TNFSF13B: variants seen among roughly 807,000 people sequenced by gnomAD.
TNFSF13B encodes the protein TNF superfamily member 13b.
TNFSF13B carries 8 observed loss-of-function variants against 29.1 expected under a neutral mutation model. The observed-to-expected ratio is 0.27, with a 90% confidence interval of 0.16 to 0.50. TNFSF13B has a LOEUF of 0.50. Ranked by LOEUF, TNFSF13B falls within the 20% of genes least tolerant of loss-of-function variation. The probability of loss-of-function intolerance (pLI) is 0.98; values close to 1 mark genes in which losing one functional copy is unlikely to be tolerated. For synonymous variants in TNFSF13B, 125 were observed against 130.8 expected (o/e 0.96, Z 0.30); for missense variants, 248 against 334.9 (o/e 0.74, Z 2.03).
chr13:108,303,136 T>C (rs1881675746), intron 3 of TNFSF13B, 117 bp from the exon 4 acceptor site: 1 of 756,232 alleles, frequency 1.3e-6, no homozygotes, highest in African/African-American at 1.8e-5. Flanking sequence ...TTTCTTTCTT[T>C]CTTTTTTTTT....
chr13:108,304,493 G>T (rs1881716145), intron 5 of TNFSF13B, among the ~76,000 whole-genome samples: 1 of 152,148 alleles, frequency 6.6e-6, no homozygotes, highest in Non-Finnish European at 1.5e-5. Flanking sequence ...CTTTAGGTCT[G>T]TTTCAGCTGT....
At chr13:108,274,611 A>C (rs1030306263) in intron 2 of TNFSF13B, among the ~76,000 whole-genome samples, 12 of 151,908 alleles carry the variant, frequency 7.9e-5, no homozygotes, top group African/African-American at 2.9e-4. Flanking sequence ...GCATACTCCA[A>C]AATTAATGTT....
At position 108,284,454 on chromosome 13, in the gene TNFSF13B, G is replaced by T. The variant is rs569011042; in HGVS notation, c.425-2349G>T. Among the ~76,000 whole-genome samples the T allele has an allele frequency of 5.9e-5, 9 of 152,322 alleles. No homozygotes were observed. In the South Asian group the frequency reaches 1.9e-3, roughly 32 times the overall value. ...ATTTCTTTAGCCTTTATCAGCTGCA[G>T]TTGGGCAGCATGTTTCCACGGTGTC... On this transcript the variant is annotated intron_variant, in intron 2 of 5. Transcript: ENST00000375887.
At position 108,271,461 on chromosome 13, in the gene TNFSF13B, C is replaced by T. The variant is rs925155095; in HGVS notation, c.424+1037C>T. Among the ~76,000 whole-genome samples, 86 of 150,040 alleles carry T rather than the reference C, an allele frequency of 5.7e-4. 1 individual carries two copies. The highest frequency in any genetic ancestry group is 1.6e-3 in the African/African-American group (65 of 40,466). On this transcript the variant is annotated intron_variant, in intron 2 of 5. Transcript: ENST00000375887. ...CCCTTCTATCACACACACACACACA[C>T]ACACACACACACACACACACACACA...
At chr13:108,276,175 C>T (rs890779986) in intron 2 of TNFSF13B, among the ~76,000 whole-genome samples, 3 of 152,136 alleles carry the variant, frequency 2.0e-5, no homozygotes, top group Admixed American at 6.5e-5. Flanking sequence ...AGAACTTGAC[C>T]ATCCAGCCCT....
chr13:108,307,118 AACAG>A lies in TNFSF13B; in HGVS notation c.*185_*188del. 1.9e-6 allele frequency: 1 copy of A among 518,094 alleles called. No homozygotes were observed. The allele number at this position is 518,094 out of a possible 1,614,324, so 32.1% of individuals were successfully genotyped here. A position where few individuals can be genotyped will look rare whatever the true frequency, so the allele number is the denominator to read the frequency against. On this transcript the variant is annotated 3_prime_UTR_variant, in exon 6 of 6. Transcript: ENST00000375887. ...GAAACTAGTCCAAAACAGGAAATTT[AACAG>A]ACAGCCACAGCCAAAGAGTGTCATG... is the stretch of plus-strand genomic sequence containing the variant.
chr13:108,302,320 A>C (rs1385670412), intron 3 of TNFSF13B, among the ~76,000 whole-genome samples: 1 of 152,156 alleles, frequency 6.6e-6, no homozygotes, highest in African/African-American at 2.4e-5. Flanking sequence ...TTATCCTTAT[A>C]TTACAGTCCC....
Position 108,307,016 on chromosome 13 carries a change from CAAAAAAAAAAAAAAAAAA to C in TNFSF13B, c.*92_*109del. 2 of 73,764 alleles carry C rather than the reference CAAAAAAAAAAAAAAAAAA, an allele frequency of 2.7e-5. No homozygotes were observed. The highest frequency in any genetic ancestry group is 1.7e-4 in the South Asian group (1 of 5,948). 4.6% of individuals were successfully genotyped at this position (73,764 alleles called of 1,614,324 possible). On this transcript the variant is annotated 3_prime_UTR_variant, in exon 6 of 6. Transcript: ENST00000375887. ...GAAGAAAGAATCTAACTGAAAATAC[CAAAAAAAAAAAAAAAAAA>C]AAAAAAAAAAAAAGTAGTTACCATT...
intron 2 of TNFSF13B, 56 bp downstream of exon 2, chr13:108,270,480 T>C: frequency 6.6e-7 from 1 of 1,523,912 alleles, no homozygotes; most frequent in Non-Finnish European, 9.1e-7. Flanking sequence ...TAACATCCAG[T>C]CTGGGGGAGC....
At chr13:108,274,380 TAC>T (rs1283618325) in intron 2 of TNFSF13B, among the ~76,000 whole-genome samples, 2 of 134,114 alleles carry the variant, frequency 1.5e-5, no homozygotes, top group Non-Finnish European at 3.3e-5. Flanking sequence ...TATATATATA[TAC>T]ATATATATAC....
intron 2 of TNFSF13B, among the ~76,000 whole-genome samples, chr13:108,275,971 A>G (rs542013732): frequency 6.6e-5 from 10 of 152,238 alleles, no homozygotes; most frequent in Non-Finnish European, 1.2e-4. Context: ...TATCGGATAA[A>G]CCTTTCTAAT....
chr13:108,286,960 G>T lies in TNFSF13B; in HGVS notation c.481+101G>T, dbSNP rs1424066041. The T allele has an allele frequency of 1.0e-5, 7 of 697,476 alleles. No individual in the cohort carries two copies. The East Asian group carries it at 2.8e-4, about 28-fold the overall frequency. 43.2% of individuals were successfully genotyped at this position (697,476 alleles called of 1,614,324 possible). ...CATATACGCTATGGAATACTATGCAGCCATAAAAAATGATGAGTTCATGTC... is the reference window on the plus strand; with the variant it reads ...CATATACGCTATGGAATACTATGCATCCATAAAAAATGATGAGTTCATGTC... On this transcript the variant is annotated intron_variant, in intron 3 of 5. Coordinates refer to ENST00000375887, the MANE Select transcript of TNFSF13B (RefSeq NM_006573.5).
chr13:108,289,450 G>T (rs1881241008), intron 3 of TNFSF13B, among the ~76,000 whole-genome samples: 1 of 151,656 alleles, frequency 6.6e-6, no homozygotes. Context: ...GTTGCATTTT[G>T]TTAAAAAAGG....
rs1458052907 is a variant in TNFSF13B at position 108,308,018 on chromosome 13, A to T, written c.*1080A>T. 2 of 151,944 alleles carry T rather than the reference A, an allele frequency of 1.3e-5. No homozygotes were observed. Among genetic ancestry groups the T allele is most frequent in the Non-Finnish European group, 2.9e-5 (2 of 67,894 alleles). The allele number at this position is 151,944 out of a possible 1,614,324, so 9.4% of individuals were successfully genotyped here. A position where few individuals can be genotyped will look rare whatever the true frequency, so the allele number is the denominator to read the frequency against. On this transcript the variant is annotated 3_prime_UTR_variant, in exon 6 of 6. Coordinates refer to ENST00000375887, the MANE Select transcript of TNFSF13B (RefSeq NM_006573.5). Reference sequence around the variant, plus strand: ...CATCCCGGTTTTCATTTTATAAAGTACCATACTTAAGAATGCTGTAATACT... The same window carrying T: ...CATCCCGGTTTTCATTTTATAAAGTTCCATACTTAAGAATGCTGTAATACT...
At chr13:108,278,289 TA>T (rs1880813585) in intron 2 of TNFSF13B, among the ~76,000 whole-genome samples, 1 of 152,008 alleles carries the variant, frequency 6.6e-6, no homozygotes, top group African/African-American at 2.4e-5. Flanking sequence ...TTGTTAGTGG[TA>T]GAGATCACAG....
At chr13:108,292,324 G>A (rs1010780662) in intron 3 of TNFSF13B, among the ~76,000 whole-genome samples, 3 of 152,044 alleles carry the variant, frequency 2.0e-5, no homozygotes, top group Admixed American at 6.6e-5. Context: ...CTGTATGAAT[G>A]TATATCATTC....
At chr13:108,279,241 T>A (rs1288209225) in intron 2 of TNFSF13B, among the ~76,000 whole-genome samples, 4 of 152,234 alleles carry the variant, frequency 2.6e-5, no homozygotes, top group Non-Finnish European at 5.9e-5. Flanking sequence ...ACTGAAAATT[T>A]GTGAATGGTT....
intron 3 of TNFSF13B, among the ~76,000 whole-genome samples, chr13:108,294,464 G>A (rs1566406243): frequency 6.6e-6 from 1 of 152,122 alleles, no homozygotes; most frequent in East Asian, 1.9e-4. Context: ...ACAGGCGTGA[G>A]CCACCATGCC....
intron 3 of TNFSF13B, among the ~76,000 whole-genome samples, chr13:108,292,806 A>T: frequency 6.6e-6 from 1 of 152,132 alleles, no homozygotes; most frequent in East Asian, 1.9e-4. Flanking sequence ...AAACTTCCTT[A>T]TATATTATGG....
Sources: allele counts gnomAD v4.1 joint callset (sites outside exome capture counted in the v4.1 genomes callset), GRCh38; gene constraint gnomAD v4.1.1; transcripts MANE v1.5; gene names NCBI Gene and HGNC (gene_info 2026-07-23, HGNC 2026-07-21).